Variants in ATAD2B observed in about 807,000 individuals in gnomAD.
ATAD2B encodes the protein ATPase family AAA domain-containing protein 2B.
In ATAD2B, 40 loss-of-function variants were observed where a neutral mutation model predicts 167.6. That is an observed-to-expected ratio of 0.24 (90% CI 0.19 to 0.31). The LOEUF is 0.31. ATAD2B is among the 10% of genes least tolerant of loss of function. ATAD2B has a pLI of 1.00. For synonymous variants in ATAD2B, 579 were observed against 596.5 expected, an observed-to-expected ratio of 0.97 and a Z score of 0.43; for missense variants, 1,242 against 1,757.2, an observed-to-expected ratio of 0.71 and a Z score of 5.24.
chr2:23,874,752 C>A (rs1360648850), intron 8 of ATAD2B, among the ~76,000 whole-genome samples: 7 of 151,746 alleles, frequency 4.6e-5, no homozygotes, highest in Admixed American at 4.6e-4. Context: ...CTTTCTTCTA[C>A]ATGTAAAAGA....
Position 23,856,126 on chromosome 2 carries a change from T to C in ATAD2B, c.1568+1289A>G, listed in dbSNP as rs1023245097. 2.1e-4 allele frequency: 32 copies of C among 152,232 alleles called. No individual in the cohort carries two copies. In the East Asian group the frequency reaches 5.6e-3, roughly 27 times the overall value. The allele number at this position is 152,232 out of a possible 1,614,324, so 9.4% of individuals were successfully genotyped here. On this transcript the variant is annotated intron_variant, in intron 13 of 27. Coordinates refer to ENST00000238789, the MANE Select transcript of ATAD2B (RefSeq NM_017552.4). ...ACTGCTTGAACCCGGGAGGCAGAGGTTGCAGTGAGCCAAGATCCCGCCACT... is the reference window on the plus strand; with the variant it reads ...ACTGCTTGAACCCGGGAGGCAGAGGCTGCAGTGAGCCAAGATCCCGCCACT...
chr2:23,699,223 A>G, the ATAD2B span, among the ~76,000 whole-genome samples: 1 of 152,142 alleles, frequency 6.6e-6, no homozygotes, highest in East Asian at 1.9e-4. Context: ...CTGAGTTATG[A>G]CTGGTGTCCC....
the ATAD2B span, among the ~76,000 whole-genome samples, chr2:23,701,886 T>C: frequency 1.4e-5 from 2 of 140,766 alleles, no homozygotes; most frequent in African/African-American, 5.2e-5. Context: ...CCGCAGCCTC[T>C]GCCTCCCAGG....
chr2:23,919,041 A>G (rs1447608428), intron 1 of ATAD2B, among the ~76,000 whole-genome samples: 3 of 152,190 alleles, frequency 2.0e-5, no homozygotes, highest in African/African-American at 4.8e-5. Context: ...AAGTGAGTAT[A>G]GCAAAAAAGA....
chr2:23,761,875 T>C (rs1307465541), intron 24 of ATAD2B, among the ~76,000 whole-genome samples: 1 of 152,126 alleles, frequency 6.6e-6, no homozygotes, highest in Non-Finnish European at 1.5e-5. Context: ...ACATCCTGCA[T>C]AGTGTACAAG....
At chr2:23,925,943 C>T (rs1268739654) in intron 1 of ATAD2B, among the ~76,000 whole-genome samples, 1 of 152,124 alleles carries the variant, frequency 6.6e-6, no homozygotes, top group Admixed American at 6.5e-5. Flanking sequence ...TGGCTGGTTC[C>T]CCAGCTATAA....
the ATAD2B span, among the ~76,000 whole-genome samples, chr2:23,711,969 C>T: frequency 1.7e-4 from 26 of 152,082 alleles, no homozygotes; most frequent in African/African-American, 5.3e-4. Context: ...TTTAAGAAGA[C>T]GAAACAGTCT....
chr2:23,698,555 T>C, the ATAD2B span, among the ~76,000 whole-genome samples: 1 of 119,840 alleles, frequency 8.3e-6, no homozygotes, highest in South Asian at 2.9e-4. Context: ...GAATGAGATA[T>C]ATGGTGCATT....
At chr2:23,691,689 C>T in the ATAD2B span, 4 of 1,551,538 alleles carry the variant, frequency 2.6e-6, no homozygotes, top group East Asian at 2.4e-5. Flanking sequence ...TGCAAGACAG[C>T]GGCCAGGGCG....
chr2:23,709,644 A>C, the ATAD2B span, among the ~76,000 whole-genome samples: 2 of 152,096 alleles, frequency 1.3e-5, no homozygotes, highest in South Asian at 4.2e-4. Context: ...CTTGCCAAAA[A>C]AAAAAAAATC....
At chr2:23,821,641 T>C (rs1182346564) in intron 16 of ATAD2B, among the ~76,000 whole-genome samples, 1 of 152,216 alleles carries the variant, frequency 6.6e-6, no homozygotes, top group Non-Finnish European at 1.5e-5. Flanking sequence ...TGAATAATTT[T>C]CTATTTGGTG....
At chr2:23,869,305 C>T (rs1171749105) in intron 9 of ATAD2B, among the ~76,000 whole-genome samples, 1 of 152,178 alleles carries the variant, frequency 6.6e-6, no homozygotes, top group Non-Finnish European at 1.5e-5. Context: ...ATGTCTTAAT[C>T]TGACTGCTAT....
chr2:23,719,417 C>T, the ATAD2B span, among the ~76,000 whole-genome samples: 85,555 of 151,966 alleles, frequency 0.56, 24,941 homozygotes, highest in East Asian at 0.79. Context: ...AAGAAATTCT[C>T]AGCTCCAAAA....
intron 1 of ATAD2B, among the ~76,000 whole-genome samples, chr2:23,903,942 G>C (rs34326859): frequency 2.0e-5 from 3 of 151,402 alleles, no homozygotes; most frequent in Non-Finnish European, 2.9e-5. Flanking sequence ...GTTGTTGTTG[G>C]TGGTGGTGGT....
chr2:23,691,892 A>G, the ATAD2B span: 1 of 1,546,192 alleles, frequency 6.5e-7, no homozygotes, highest in Non-Finnish European at 8.7e-7. Flanking sequence ...CCCGGGGGCC[A>G]CATATGTCGC....
chr2:23,699,929 C>CTT, the ATAD2B span, among the ~76,000 whole-genome samples: 1 of 152,248 alleles, frequency 6.6e-6, no homozygotes, highest in Non-Finnish European at 1.5e-5. Context: ...TTGGTCAACT[C>CTT]TGACTCCTGC....
intron 13 of ATAD2B, among the ~76,000 whole-genome samples, chr2:23,836,377 C>G (rs780608990): frequency 1.3e-5 from 2 of 152,188 alleles, no homozygotes; most frequent in Admixed American, 6.5e-5. Context: ...TCCAAAGTCA[C>G]AGCCCTGGCT....
chr2:23,918,198 T>G (rs1448193270), intron 1 of ATAD2B, among the ~76,000 whole-genome samples: 1 of 101,608 alleles, frequency 9.8e-6, no homozygotes, highest in Non-Finnish European at 1.9e-5. Context: ...AAACCTTGTC[T>G]CTACAAAAAA....
At chr2:23,858,181 T>A (rs1485087066) in intron 12 of ATAD2B, among the ~76,000 whole-genome samples, 23 of 151,810 alleles carry the variant, frequency 1.5e-4, no homozygotes, top group Admixed American at 1.5e-3. Context: ...AGTACAGTGG[T>A]GCAATCTTGG....
Sources: gnomAD v4.1 joint callset for allele counts (sites outside exome capture counted in the v4.1 genomes callset) on GRCh38, gnomAD v4.1.1 for gene constraint, MANE v1.5 for transcripts, NCBI Gene and HGNC (gene_info 2026-07-23, HGNC 2026-07-21) for gene names.